Variants in KRT7 observed in about 807,000 individuals in gnomAD.
KRT7 encodes keratin 7.
In KRT7, 50 loss-of-function variants were observed where a neutral mutation model predicts 42.8. The ratio of observed to expected loss-of-function variants is 1.17; its 90% confidence interval spans 0.93 to 1.48. The LOEUF (loss-of-function observed/expected upper bound fraction) is 1.48, where lower values mean the gene tolerates loss of function less well. KRT7 is among the 40% of genes most tolerant of loss of function. The pLI is 0.00. For synonymous variants in KRT7, 268 were observed against 266.3 expected, an observed-to-expected ratio of 1.01 and a Z score of -0.06; for missense variants, 588 against 637.6, an observed-to-expected ratio of 0.92 and a Z score of 0.84.
intron 2 of KRT7, among the ~76,000 whole-genome samples, chr12:52,236,898 G>A (rs746626816): frequency 1.3e-5 from 2 of 152,280 alleles, no homozygotes; most frequent in South Asian, 2.1e-4. Context: ...ATCATCAGGC[G>A]GGACCTGGTT....
At chr12:52,250,587 G>A (rs1942249533), downstream of KRT7, 15 of 1,269,746 alleles carry the variant, frequency 1.2e-5, no homozygotes, top group African/African-American at 3.0e-5. Context: ...CACCGGCCGG[G>A]AGCCCGACAC....
At position 52,240,317 on chromosome 12, in the gene KRT7, A is replaced by T. The variant is rs2121084474; in HGVS notation, c.694-1155A>T. ...CTCATTGCAAAACAACCAAAAAATT[A>T]AGTAAATCGTAAATTGAAAATGGAT... is the stretch of plus-strand genomic sequence containing the variant. On this transcript the variant is annotated intron_variant, in intron 4 of 8. Transcript: ENST00000331817. Among the ~76,000 whole-genome samples the T allele has an allele frequency of 2.0e-5, 3 of 152,332 alleles. No homozygotes were observed. In the East Asian group the frequency reaches 5.8e-4, roughly 29 times the overall value.
chr12:52,234,373 C>T (rs1219108315), intron 1 of KRT7, among the ~76,000 whole-genome samples: 2 of 152,226 alleles, frequency 1.3e-5, no homozygotes, highest in South Asian at 2.1e-4. Flanking sequence ...GGAGTGCTGC[C>T]AAAGCCAGGA....
chr12:52,252,509 A>G, downstream of KRT7: 3 of 1,611,916 alleles, frequency 1.9e-6, no homozygotes, highest in Non-Finnish European at 2.5e-6. Flanking sequence ...GTTATTAAGG[A>G]TCTCTGTTCT....
rs200084865 is a variant in KRT7 at position 52,235,144 on chromosome 12, G to A, written c.325-11G>A. Reference sequence around the variant, plus strand: ...GCTCCTCTTGAGTTTCCTCCTTCTCGCCCGTTCTAGGTGCGGTTTCTGGAG... The same window carrying A: ...GCTCCTCTTGAGTTTCCTCCTTCTCACCCGTTCTAGGTGCGGTTTCTGGAG... On this transcript the variant is annotated splice_polypyrimidine_tract_variant and intron_variant, in intron 1 of 8. Coordinates refer to ENST00000331817, the MANE Select transcript of KRT7 (RefSeq NM_005556.4). The A allele has an allele frequency of 2.7e-5, 44 of 1,613,506 alleles. No individual in the cohort carries two copies. The highest frequency in any genetic ancestry group is 2.2e-4 in the Admixed American group (13 of 60,012).
intron 8 of KRT7, 90 bp from the exon 9 acceptor site, chr12:52,248,501 G>A: frequency 7.5e-7 from 1 of 1,332,176 alleles, no homozygotes; most frequent in Non-Finnish European, 1.0e-6. Flanking sequence ...GAGAGGGGCA[G>A]CTGGGGCAGG....
intron 6 of KRT7, 78 bp from the exon 7 acceptor site, chr12:52,245,334 C>G (rs980560968): frequency 4.1e-6 from 6 of 1,465,850 alleles, no homozygotes; most frequent in Non-Finnish European, 5.6e-6. Flanking sequence ...AGCAAGTTGC[C>G]CGGGTGCTCA....
downstream of KRT7, among the ~76,000 whole-genome samples, chr12:52,255,104 G>T (rs1316407034): frequency 2.0e-5 from 3 of 152,254 alleles, no homozygotes; most frequent in Admixed American, 2.0e-4. Flanking sequence ...AGATGGGGGA[G>T]AATATTGCCC....
chr12:52,251,949 A>G, downstream of KRT7: 1 of 550,888 alleles, frequency 1.8e-6, no homozygotes, highest in Admixed American at 2.2e-5. Flanking sequence ...AGTTTTTACT[A>G]TCTGAAGCTC....
downstream of KRT7, chr12:52,253,273 G>T (rs758111393): frequency 2.5e-6 from 4 of 1,612,246 alleles, no homozygotes; most frequent in African/African-American, 4.0e-5. Flanking sequence ...TCAGCTCGTT[G>T]ATCTCCTCCT....
downstream of KRT7, chr12:52,249,069 G>A (rs1261787137): frequency 3.4e-5 from 8 of 233,228 alleles, no homozygotes; most frequent in Non-Finnish European, 6.6e-5. Context: ...GGAGCAGGAC[G>A]CTTACCTAGG....
Position 52,241,604 on chromosome 12 carries a change from C to T in KRT7, c.826C>T (p.Arg276Trp), listed in dbSNP as rs771955592. ...AQYEEMAKCS[R>W]AEAEAWYQTK... ...GTATGAGGAGATGGCCAAATGCAGC[C>T]GGGCTGAGGCTGAAGCCTGGTACCA... is the stretch of plus-strand genomic sequence containing the variant. Residue 276 changes from arginine (R) to tryptophan (W), a missense_variant, in exon 5 of 9, where the codon CGG becomes TGG. Transcript: ENST00000331817. 2.2e-5 allele frequency: 36 copies of T among 1,612,358 alleles called. No homozygotes were observed. Among genetic ancestry groups the T allele is most frequent in the African/African-American group, 9.4e-5 (7 of 74,852 alleles).
chr12:52,248,018 C>G, intron 7 of KRT7, 159 bp from the exon 8 acceptor site: 1 of 689,484 alleles, frequency 1.5e-6, no homozygotes, highest in East Asian at 2.7e-5. Flanking sequence ...TTCCTGCATG[C>G]CTCCTCGCTC....
At position 52,245,518 on chromosome 12, in the gene KRT7, G is replaced by C. The variant is rs2608009; in HGVS notation, c.1091G>C (p.Gly364Ala). 1,318,949 of 1,614,078 alleles carry C rather than the reference G, an allele frequency of 0.82. 540,559 individuals are homozygous for C. The highest frequency in any genetic ancestry group is 0.95 in the African/African-American group (71,485 of 75,064). Residue 364 changes from glycine to alanine, a missense_variant, in exon 7 of 9, where the codon GGC becomes GCC. Transcript: ENST00000331817. ...QEELEAALQR[G>A]KQDMARQLRE... Reference sequence around the variant, plus strand: ...GAGCTGGAAGCCGCCCTGCAGCGGGGCAAGCAGGATATGGCACGGCAGCTG... The same window carrying C: ...GAGCTGGAAGCCGCCCTGCAGCGGGCCAAGCAGGATATGGCACGGCAGCTG...
chr12:52,233,430 C>G lies in KRT7; in HGVS notation c.134C>G (p.Ser45Ter). 6 of 1,558,884 alleles carry G rather than the reference C, an allele frequency of 3.8e-6. No homozygotes were observed. Among genetic ancestry groups the G allele is most frequent in the South Asian group, 1.2e-5 (1 of 84,898 alleles). Reference sequence around the variant, plus strand: ...AGCAGCCTCTACGGCCTCGGCGCCTCACGGCCGCGCGTGGCCGTGCGCTCT... The same window carrying G: ...AGCAGCCTCTACGGCCTCGGCGCCTGACGGCCGCGCGTGGCCGTGCGCTCT... The part of the protein sequence containing the change: ...GSSSLYGLGA[S>*]RPRVAVRSAY... Residue 45 changes from serine (S) to a stop codon, truncating the protein, a stop_gained, in exon 1 of 9, where the codon TCA (serine) becomes TGA (stop). Transcript: ENST00000331817. LOFTEE classifies it high-confidence loss of function.
At chr12:52,252,315 G>GC (rs754054000), downstream of KRT7, 37 of 1,613,888 alleles carry the variant, frequency 2.3e-5, no homozygotes, top group Middle Eastern at 3.4e-4. Flanking sequence ...CAAAGTCCAG[G>GC]CCAGCTTGGA....
At chr12:52,245,822 C>A in intron 7 of KRT7, 190 bp downstream of exon 7, 2 of 717,088 alleles carry the variant, frequency 2.8e-6, no homozygotes, top group Non-Finnish European at 4.5e-6. Flanking sequence ...AAGGAAAGAC[C>A]ATGGAGTGTG....
chr12:52,246,277 A>G (rs1308209885), intron 7 of KRT7: 1 of 152,382 alleles, frequency 6.6e-6, no homozygotes, highest in East Asian at 1.9e-4. Flanking sequence ...GTTCGAACTC[A>G]ACCTCTTCAT....
intron 3 of KRT7, chr12:52,237,840 C>T: frequency 3.3e-6 from 1 of 299,536 alleles, no homozygotes. Flanking sequence ...AGGGAGATTT[C>T]AACACTGAAT....
Sources: gnomAD v4.1 joint callset for allele counts (sites outside exome capture counted in the v4.1 genomes callset) on GRCh38, gnomAD v4.1.1 for gene constraint, MANE v1.5 for transcripts, NCBI Gene and HGNC (gene_info 2026-07-23, HGNC 2026-07-21) for gene names.